The following SIL1 variants were observed in gnomAD, a reference collection of about 807,000 sequenced individuals.
SIL1 encodes the protein nucleotide exchange factor SIL1.
A neutral mutation model predicts 49.1 loss-of-function variants in SIL1; 40 were observed. That is an observed-to-expected ratio of 0.81 (90% CI 0.63 to 1.06). The LOEUF is 1.06. SIL1 is among the 50% of genes least tolerant of loss of function. SIL1 has a pLI of 0.00. For missense variants in SIL1, 500 were observed against 572.6 expected (o/e 0.87, Z 1.29); for synonymous variants, 253 against 250.8 (o/e 1.01, Z -0.08).
intron 3 of SIL1, among the ~76,000 whole-genome samples, chr5:139,065,642 C>G (rs1769688189): frequency 6.6e-6 from 1 of 152,206 alleles, no homozygotes; most frequent in Admixed American, 6.5e-5. Context: ...CTGCTGTGCA[C>G]ACTTCCAACA....
At chr5:139,175,669 A>T (rs1751865732) in intron 1 of SIL1, among the ~76,000 whole-genome samples, 1 of 152,204 alleles carries the variant, frequency 6.6e-6, no homozygotes, top group African/African-American at 2.4e-5. Context: ...CACTACAAGA[A>T]AACTACAGAC....
chr5:139,022,199 C>A (rs748427006), intron 6 of SIL1: 26 of 152,202 alleles, frequency 1.7e-4, no homozygotes, highest in Non-Finnish European at 3.1e-4. Context: ...ATATGCTAAT[C>A]CCACGCTATC....
intron 7 of SIL1, among the ~76,000 whole-genome samples, chr5:138,955,175 A>G (rs1766875551): frequency 6.6e-6 from 1 of 152,208 alleles, no homozygotes; most frequent in African/African-American, 2.4e-5. Flanking sequence ...GGGGCCTGGC[A>G]CGCCTCAAAG....
intron 3 of SIL1, among the ~76,000 whole-genome samples, chr5:139,100,932 A>G (rs1770573312): frequency 6.6e-6 from 1 of 151,952 alleles, no homozygotes; most frequent in Non-Finnish European, 1.5e-5. Flanking sequence ...TAAAAAAAAA[A>G]CCTAGCAGTC....
chr5:139,185,750 T>A (rs1422577742), intron 1 of SIL1, among the ~76,000 whole-genome samples: 1 of 152,198 alleles, frequency 6.6e-6, no homozygotes, highest in Non-Finnish European at 1.5e-5. Flanking sequence ...TAATTTCTAC[T>A]GGAGATGGGG....
chr5:139,172,563 G>T (rs1182193491), intron 1 of SIL1, among the ~76,000 whole-genome samples: 3 of 151,872 alleles, frequency 2.0e-5, no homozygotes, highest in Non-Finnish European at 4.4e-5. Flanking sequence ...AACCCGGGAG[G>T]TGGAGGTTGC....
intron 7 of SIL1, among the ~76,000 whole-genome samples, chr5:138,972,546 G>C (rs1767301849): frequency 6.6e-6 from 1 of 152,168 alleles, no homozygotes; most frequent in Non-Finnish European, 1.5e-5. Flanking sequence ...GAGCCCCAGA[G>C]ACAAGAAAGC....
At chr5:139,031,824 T>G (rs989815216) in intron 5 of SIL1, among the ~76,000 whole-genome samples, 2 of 152,224 alleles carry the variant, frequency 1.3e-5, no homozygotes, top group African/African-American at 4.8e-5. Context: ...CATATAGATC[T>G]TATATCTGTC....
In SIL1 at chr5:138,998,852, C is replaced by CTTT. The variant is rs35074969; in HGVS notation, c.767+22316_767+22318dup. On this transcript the variant is annotated intron_variant, in intron 7 of 9. Coordinates refer to ENST00000394817, the MANE Select transcript of SIL1 (RefSeq NM_022464.5). Reference sequence around the variant, plus strand: ...AGTAGGATGCAGAGGATTATCTTTCCTTTTTTTTTTTTTTTTTTTTTTTGA... The same window carrying CTTT: ...AGTAGGATGCAGAGGATTATCTTTCCTTTTTTTTTTTTTTTTTTTTTTTTTTGA... Among the ~76,000 whole-genome samples, 84 of 98,766 alleles carry CTTT rather than the reference C, an allele frequency of 8.5e-4. 1 individual carries two copies. The highest frequency in any genetic ancestry group is 2.6e-3 in the African/African-American group (60 of 23,296). 64.8% of individuals were successfully genotyped at this position (98,766 alleles called of 152,430 possible). A position where few individuals can be genotyped will look rare whatever the true frequency, so the allele number is the denominator to read the frequency against.
chr5:139,019,506 T>A (rs1253036643), intron 7 of SIL1, among the ~76,000 whole-genome samples: 1 of 152,196 alleles, frequency 6.6e-6, no homozygotes, highest in Non-Finnish European at 1.5e-5. Context: ...AACACTAAAT[T>A]GCAATATTTT....
At chr5:138,968,258 C>T (rs1288171801) in intron 7 of SIL1, among the ~76,000 whole-genome samples, 1 of 152,108 alleles carries the variant, frequency 6.6e-6, no homozygotes, top group Non-Finnish European at 1.5e-5. Context: ...CTGTGCCACA[C>T]AGGTCCTCCC....
intron 7 of SIL1, among the ~76,000 whole-genome samples, chr5:138,981,792 A>G (rs1767530042): frequency 2.0e-5 from 3 of 151,470 alleles, no homozygotes; most frequent in Non-Finnish European, 4.4e-5. Context: ...TTGCTCTCCC[A>G]CGCTCACGCC....
chr5:139,137,072 A>G (rs1750988842), intron 1 of SIL1, among the ~76,000 whole-genome samples: 1 of 152,234 alleles, frequency 6.6e-6, no homozygotes, highest in South Asian at 2.1e-4. Flanking sequence ...TGGAAATGTA[A>G]TAATAACTCC....
At chr5:138,951,090 G>A (rs1220185507) in intron 9 of SIL1, 81 bp downstream of exon 9, 2 of 1,490,912 alleles carry the variant, frequency 1.3e-6, no homozygotes, top group Non-Finnish European at 1.8e-6. Context: ...GACGTCCGCA[G>A]TCTCTTCCAT....
chr5:139,112,336 C>A (rs370103258), intron 3 of SIL1, among the ~76,000 whole-genome samples: 3 of 152,018 alleles, frequency 2.0e-5, no homozygotes, highest in African/African-American at 7.2e-5. Context: ...CCCCTCTGCC[C>A]GGCTGCCCAG....
chr5:139,083,605 A>C (rs372266504), intron 3 of SIL1, among the ~76,000 whole-genome samples: 2 of 46,070 alleles, frequency 4.3e-5, no homozygotes, highest in African/African-American at 2.0e-4. Flanking sequence ...AGTAGGTTGC[A>C]AAAATTTTCT....
At chr5:139,042,773 C>T in intron 4 of SIL1, 54 bp from the exon 5 acceptor site, 5 of 1,520,772 alleles carry the variant, frequency 3.3e-6, no homozygotes, top group Non-Finnish European at 4.6e-6. Flanking sequence ...CTTGGTGGCT[C>T]ACAGTTGTAA....
intron 4 of SIL1, among the ~76,000 whole-genome samples, chr5:139,049,160 C>CA (rs1769233950): frequency 6.6e-6 from 1 of 152,110 alleles, no homozygotes; most frequent in South Asian, 2.1e-4. Flanking sequence ...CATCTAACTG[C>CA]AAAATACTGG....
intron 3 of SIL1, among the ~76,000 whole-genome samples, chr5:139,077,862 T>G (rs1381898823): frequency 6.6e-6 from 1 of 152,174 alleles, no homozygotes; most frequent in Non-Finnish European, 1.5e-5. Flanking sequence ...TATGCTTTAG[T>G]GCACCCTAGG....
Sources: gnomAD v4.1 joint callset for allele counts (sites outside exome capture counted in the v4.1 genomes callset) on GRCh38, gnomAD v4.1.1 for gene constraint, MANE v1.5 for transcripts, NCBI Gene and HGNC (gene_info 2026-07-23, HGNC 2026-07-21) for gene names.